ABL2: variants seen among roughly 807,000 people sequenced by gnomAD.
ABL2 encodes tyrosine-protein kinase ABL2.
In ABL2, 49 loss-of-function variants were observed where a neutral mutation model predicts 107.7. The observed-to-expected ratio is 0.45, with a 90% CI of 0.36 to 0.58. The LOEUF (loss-of-function observed/expected upper bound fraction) is 0.58. ABL2 is among the 20% of genes least tolerant of loss of function. The probability of loss-of-function intolerance (pLI) is 0.00; values close to 1 mark genes in which losing one functional copy is unlikely to be tolerated. For missense variants in ABL2, 1,245 were observed against 1,457.0 expected, an observed-to-expected ratio of 0.85 and a Z score of 2.37; for synonymous variants, 549 against 548.6, an observed-to-expected ratio of 1.00 and a Z score of -0.01.
intron 9 of ABL2, among the ~76,000 whole-genome samples, chr1:179,114,521 TG>T (rs1185206195): frequency 1.3e-5 from 1 of 78,388 alleles, no homozygotes; most frequent in Non-Finnish European, 2.4e-5. Context: ...CGGATGCTTC[TG>T]TTTATCTACA....
At chr1:179,158,811 G>C (rs1658867445) in intron 1 of ABL2, among the ~76,000 whole-genome samples, 1 of 152,186 alleles carries the variant, frequency 6.6e-6, no homozygotes, top group Non-Finnish European at 1.5e-5. Context: ...TGTCCCTAGA[G>C]TGCAAGGTTA....
intron 1 of ABL2, among the ~76,000 whole-genome samples, chr1:179,199,731 C>CTTTT (rs55794608): frequency 1.5e-5 from 2 of 136,182 alleles, no homozygotes; most frequent in Admixed American, 7.5e-5. Context: ...ACACTTTTTC[C>CTTTT]TTTTTTTTTT....
rs1214782050 is a variant in ABL2 at position 179,178,499 on chromosome 1, C to G, written c.158-45125G>C. On this transcript the variant is annotated intron_variant, in intron 1 of 11. Coordinates refer to ENST00000502732, the MANE Select transcript of ABL2 (RefSeq NM_007314.4). ...GGCATTTTTAGTAAGCTTATAGTTT[C>G]CTCGTCCACTGTTTCAACTAAATGA... Among the ~76,000 whole-genome samples, 3 of 151,568 alleles carry G rather than the reference C, an allele frequency of 2.0e-5. No individual in the cohort carries two copies. The East Asian group carries it at 5.8e-4, about 29-fold the overall frequency.
intron 1 of ABL2, among the ~76,000 whole-genome samples, chr1:179,153,114 G>A (rs1234730888): frequency 6.6e-6 from 1 of 151,980 alleles, no homozygotes; most frequent in African/African-American, 2.4e-5. Flanking sequence ...TGAAAAGAGT[G>A]GCAATAATTG....
intron 1 of ABL2, among the ~76,000 whole-genome samples, chr1:179,211,865 C>T (rs1239605430): frequency 6.6e-6 from 1 of 152,066 alleles, no homozygotes; most frequent in African/African-American, 2.4e-5. Flanking sequence ...GTTCAAAGCA[C>T]CTCCGTGGAA....
chr1:179,117,578 C>T lies in ABL2; in HGVS notation c.1224-62G>A, dbSNP rs982813904. ...ATGGTGAGGAAAATGGTCATGAACA[C>T]TCTATTCTTGGTTTTGTGTTATAGG... On this transcript the variant is annotated intron_variant, in intron 7 of 11. Coordinates refer to ENST00000502732, the MANE Select transcript of ABL2 (RefSeq NM_007314.4). 3.8e-6 allele frequency: 6 copies of T among 1,563,176 alleles called. No individual in the cohort carries two copies. The African/African-American group carries it at 5.4e-5, about 14-fold the overall frequency.
chr1:179,117,628 TA>T, intron 7 of ABL2, 112 bp from the exon 8 acceptor site: 1 of 988,082 alleles, frequency 1.0e-6, no homozygotes, highest in South Asian at 1.6e-5. Context: ...TGCTGACAAA[TA>T]TGGTAGTATC....
At chr1:179,160,706 T>C (rs1659010059) in intron 1 of ABL2, among the ~76,000 whole-genome samples, 1 of 152,200 alleles carries the variant, frequency 6.6e-6, no homozygotes, top group Non-Finnish European at 1.5e-5. Context: ...ATGTACCATA[T>C]ATGACAATTC....
Position 179,104,638 on chromosome 1 carries a change from A to G in ABL2, c.*3080T>C, listed in dbSNP as rs1255140911. ...AAATATATACATTTAAATTTTACAC[A>G]AAGCCTTTTAAGAAAATACTTTAGG... On this transcript the variant is annotated 3_prime_UTR_variant, in exon 12 of 12. Transcript: ENST00000502732. 1 of 206,332 alleles carries G rather than the reference A, an allele frequency of 4.8e-6. No individual in the cohort carries two copies. Among genetic ancestry groups the G allele is most frequent in the Admixed American group, 6.0e-5 (1 of 16,804 alleles). The allele number at this position is 206,332 out of a possible 1,614,324, so 12.8% of individuals were successfully genotyped here.
chr1:179,173,184 C>T (rs1659828064), intron 1 of ABL2, among the ~76,000 whole-genome samples: 1 of 141,346 alleles, frequency 7.1e-6, no homozygotes, highest in Non-Finnish European at 1.6e-5. Context: ...GAGTGAAACT[C>T]GGCCTCAAAA....
chr1:179,223,477 T>C (rs1662999954), intron 1 of ABL2, among the ~76,000 whole-genome samples: 1 of 151,812 alleles, frequency 6.6e-6, no homozygotes, highest in African/African-American at 2.4e-5. Context: ...TGAAGACCCT[T>C]ACAGAGAAAC....
chr1:179,119,739 G>A (rs1005531640), intron 6 of ABL2, among the ~76,000 whole-genome samples: 2 of 152,054 alleles, frequency 1.3e-5, no homozygotes, highest in Non-Finnish European at 2.9e-5. Context: ...TTTGTTTAAT[G>A]TCTCTTTATT....
At chr1:179,208,301 C>G (rs1389930532) in intron 1 of ABL2, among the ~76,000 whole-genome samples, 3 of 152,096 alleles carry the variant, frequency 2.0e-5, no homozygotes, top group East Asian at 3.9e-4. Flanking sequence ...CTTGCCCCCC[C>G]CATTCCTTCC....
rs1026280445 is a variant in ABL2, at chr1:179,143,141, T to G, written c.158-9767A>C. ...AAGCAATACCACATGCATGTGACAT[T>G]TACTCATGTACTCAGTGGCCAGAGG... On this transcript the variant is annotated intron_variant, in intron 1 of 11. Transcript: ENST00000502732. 20 of 1,491,800 alleles carry G rather than the reference T, an allele frequency of 1.3e-5. No homozygotes were observed. In the African/African-American group the frequency reaches 2.2e-4, roughly 17 times the overall value. 92.4% of individuals were successfully genotyped at this position (1,491,800 alleles called of 1,614,324 possible).
intron 1 of ABL2, among the ~76,000 whole-genome samples, chr1:179,145,463 T>G (rs1356844802): frequency 6.6e-6 from 1 of 152,172 alleles, no homozygotes; most frequent in Non-Finnish European, 1.5e-5. Flanking sequence ...ATAAACCCAT[T>G]ATGTTAATAA....
At chr1:179,174,703 T>C (rs186758752) in intron 1 of ABL2, among the ~76,000 whole-genome samples, 357 of 151,646 alleles carry the variant, frequency 2.4e-3, no homozygotes, top group Non-Finnish European at 3.9e-3. Flanking sequence ...TCCCAGCCCT[T>C]TGGGAGGTTG....
chr1:179,110,198 A>C, intron 11 of ABL2, 84 bp downstream of exon 11: 3 of 1,508,350 alleles, frequency 2.0e-6, no homozygotes, highest in Non-Finnish European at 2.7e-6. Context: ...GACGGGCATG[A>C]AAGTGGACAT....
chr1:179,223,008 G>A (rs1210671750), intron 1 of ABL2, among the ~76,000 whole-genome samples: 1 of 151,266 alleles, frequency 6.6e-6, no homozygotes, highest in Non-Finnish European at 1.5e-5. Context: ...TACTCGGGAG[G>A]CTGAGGCAGG....
chr1:179,137,465 C>T (rs1465802201), intron 1 of ABL2, among the ~76,000 whole-genome samples: 1 of 152,052 alleles, frequency 6.6e-6, no homozygotes, highest in Non-Finnish European at 1.5e-5. Flanking sequence ...ACTGGTAACA[C>T]ATTACAATGT....
Sources: gnomAD v4.1 joint callset for allele counts (sites outside exome capture counted in the v4.1 genomes callset) on GRCh38, gnomAD v4.1.1 for gene constraint, MANE v1.5 for transcripts, NCBI Gene and HGNC (gene_info 2026-07-23, HGNC 2026-07-21) for gene names.